Variants in AMDHD1 observed in about 807,000 individuals in gnomAD.
AMDHD1 encodes probable imidazolonepropionase.
A neutral mutation model predicts 44.1 loss-of-function variants in AMDHD1; 45 were observed. The ratio of observed to expected loss-of-function variants is 1.02; its 90% CI spans 0.80 to 1.31. AMDHD1 has a LOEUF of 1.31. Among genes scored for constraint, AMDHD1 ranks in the 50% most tolerant of loss-of-function variants. The probability of loss-of-function intolerance (pLI) is 0.00; values close to 1 mark genes in which losing one functional copy is unlikely to be tolerated. For synonymous variants in AMDHD1, 206 were observed against 205.0 expected, an observed-to-expected ratio of 1.00 and a Z score of -0.04; for missense variants, 586 against 552.1, an observed-to-expected ratio of 1.06 and a Z score of -0.61.
Position 95,947,340 on chromosome 12 carries a change from G to C in AMDHD1, c.137+3805G>C. 1.3e-4 allele frequency: 2 copies of C among 15,938 alleles called. 1 individual carries two copies. 1.0% of individuals were successfully genotyped at this position (15,938 alleles called of 1,614,324 possible). A position where few individuals can be genotyped will look rare whatever the true frequency, so the allele number is the denominator to read the frequency against. On this transcript the variant is annotated intron_variant, in intron 1 of 8. Coordinates refer to ENST00000266736, the MANE Select transcript of AMDHD1 (RefSeq NM_152435.3). ...TGGGAGGTGAGGAGCGTCTCTGCCC[G>C]GCCGCCCCGTCTGAGAAGTGAGGAG...
chr12:95,960,274 AC>A, intron 4 of AMDHD1, 123 bp from the exon 5 acceptor site: 1 of 777,466 alleles, frequency 1.3e-6, no homozygotes, highest in Non-Finnish European at 2.1e-6. Context: ...GTCTTTCTCT[AC>A]CTTTCTGAGG....
Position 95,956,848 on chromosome 12 carries a change from G to T in AMDHD1, c.473G>T (p.Gly158Val), listed in dbSNP as rs1340465065. Residue 158 changes from glycine to valine, a missense_variant, in exon 4 of 9, where the codon GGA becomes GTA. Coordinates refer to ENST00000266736, the MANE Select transcript of AMDHD1 (RefSeq NM_152435.3). ...ACCACGCTGGTGGAGTGCAAGAGTG[G>T]ATATGGCCTCGACCTGGAGACCGAG... ...AGTTLVECKS[G>V]YGLDLETELK... The T allele has an allele frequency of 1.2e-6, 2 of 1,614,134 alleles. No individual in the cohort carries two copies. Among genetic ancestry groups the T allele is most frequent in the Non-Finnish European group, 1.7e-6 (2 of 1,179,974 alleles).
intron 3 of AMDHD1, among the ~76,000 whole-genome samples, chr12:95,956,268 C>T (rs1043567945): frequency 1.3e-5 from 2 of 152,104 alleles, no homozygotes; most frequent in African/African-American, 4.8e-5. Flanking sequence ...GCCACCATGC[C>T]CCCGCTAATT....
At chr12:95,959,874 C>T (rs2080572170) in intron 4 of AMDHD1, among the ~76,000 whole-genome samples, 1 of 142,062 alleles carries the variant, frequency 7.0e-6, no homozygotes, top group Non-Finnish European at 1.5e-5. Flanking sequence ...CGGCTCACTG[C>T]AACCTCCGCC....
intron 3 of AMDHD1, among the ~76,000 whole-genome samples, chr12:95,956,104 TTTTG>T (rs966981591): frequency 6.6e-6 from 1 of 151,788 alleles, no homozygotes. Context: ...TTTTGTTTTG[TTTTG>T]TTTGTTTGTT....
chr12:95,964,500 C>T (rs2080598761), intron 6 of AMDHD1, among the ~76,000 whole-genome samples: 1 of 152,008 alleles, frequency 6.6e-6, no homozygotes, highest in Non-Finnish European at 1.5e-5. Context: ...CCTCTTTTAC[C>T]CCTAAGTATT....
At chr12:95,954,875 T>G in intron 2 of AMDHD1, 36 bp from the exon 3 acceptor site, 6 of 1,607,438 alleles carry the variant, frequency 3.7e-6, no homozygotes, top group Non-Finnish European at 5.1e-6. Context: ...GCTCTCTATT[T>G]CTTAATTGTA....
In AMDHD1 at chr12:95,968,021, A is replaced by G. The variant is rs1173854034; in HGVS notation, c.*178A>G. On this transcript the variant is annotated 3_prime_UTR_variant, in exon 9 of 9. Coordinates refer to ENST00000266736, the MANE Select transcript of AMDHD1 (RefSeq NM_152435.3). ...AGATTTATTTTCATTTAACACATGC[A>G]TTTGACATATAAACAGGTAAACCTA... The G allele has an allele frequency of 1.0e-5, 5 of 480,438 alleles. No homozygotes were observed. The Admixed American group carries it at 1.2e-4, about 12-fold the overall frequency. 29.8% of individuals were successfully genotyped at this position (480,438 alleles called of 1,614,324 possible).
At chr12:95,948,089 G>A (rs2080507696) in intron 1 of AMDHD1, among the ~76,000 whole-genome samples, 4 of 67,746 alleles carry the variant, frequency 5.9e-5, no homozygotes, top group African/African-American at 2.0e-4. Context: ...GTTGAGGGGC[G>A]CCTCTGCCCG....
intron 8 of AMDHD1, among the ~76,000 whole-genome samples, chr12:95,966,939 T>C (rs751985228): frequency 6.6e-6 from 1 of 152,238 alleles, no homozygotes; most frequent in East Asian, 1.9e-4. Flanking sequence ...TCCTGGTGAC[T>C]TATCACTCAC....
intron 5 of AMDHD1, among the ~76,000 whole-genome samples, 197 bp from the exon 6 acceptor site, chr12:95,962,158 C>G (rs1474128889): frequency 6.6e-6 from 1 of 152,120 alleles, no homozygotes; most frequent in South Asian, 2.1e-4. Context: ...CCTAGCTGCT[C>G]GGGAGGCTGA....
In AMDHD1 at chr12:95,956,859, G is replaced by A. The variant is rs200706449; in HGVS notation, c.484G>A (p.Asp162Asn). 4 of 1,614,184 alleles carry A rather than the reference G, an allele frequency of 2.5e-6. No homozygotes were observed. In the South Asian group the frequency reaches 3.3e-5, roughly 13 times the overall value. ...LVECKSGYGL[D>N]LETELKMLRV... ...GGAGTGCAAGAGTGGATATGGCCTC[G>A]ACCTGGAGACCGAGCTCAAGATGCT... Residue 162 changes from aspartate to asparagine, a missense_variant, in exon 4 of 9, where the codon GAC (aspartate) becomes AAC (asparagine). Physicochemically the swap from Asp to Asn is conservative, Grantham distance 23. Transcript: ENST00000266736.
At chr12:95,949,337 G>T (rs35756705) in intron 1 of AMDHD1, among the ~76,000 whole-genome samples, 1 of 151,904 alleles carries the variant, frequency 6.6e-6, no homozygotes, top group African/African-American at 2.4e-5. Flanking sequence ...ACTCAAAGAA[G>T]CATCATCCTC....
In AMDHD1 at chr12:95,956,682, CA is replaced by C; in HGVS notation, c.310-2del. ...CTGGCCTAAAGGTGAGGCGTGTGTT[CA>C]GTTGGCAGGAGCCACCTACATGGAA... is the stretch of plus-strand genomic sequence containing the variant. On this transcript the variant is annotated splice_acceptor_variant, in intron 3 of 8. Coordinates refer to ENST00000266736, the MANE Select transcript of AMDHD1 (RefSeq NM_152435.3). LOFTEE classifies it high-confidence loss of function. 6.2e-7 allele frequency: 1 copy of C among 1,613,570 alleles called. No homozygotes were observed. Among genetic ancestry groups the C allele is most frequent in the Non-Finnish European group, 8.5e-7 (1 of 1,179,540 alleles).
chr12:95,959,904 T>C (rs1313022381), intron 4 of AMDHD1, among the ~76,000 whole-genome samples: 2 of 149,460 alleles, frequency 1.3e-5, no homozygotes, highest in African/African-American at 4.9e-5. Flanking sequence ...CAAGCAATTC[T>C]CTTGCCTCAG....
intron 4 of AMDHD1, among the ~76,000 whole-genome samples, chr12:95,957,465 C>T (rs978819458): frequency 1.3e-5 from 2 of 152,064 alleles, no homozygotes; most frequent in African/African-American, 4.8e-5. Flanking sequence ...TCCTACATGG[C>T]CTTACTGTAG....
intron 1 of AMDHD1, among the ~76,000 whole-genome samples, chr12:95,952,278 C>T (rs956418289): frequency 6.6e-6 from 1 of 152,136 alleles, no homozygotes; most frequent in African/African-American, 2.4e-5. Flanking sequence ...TATGGATAGC[C>T]AGTTTCCCTA....
chr12:95,956,839 G>GC lies in AMDHD1; in HGVS notation c.465dup (p.Lys156GlnfsTer19). 6.2e-7 allele frequency: 1 copy of GC among 1,614,120 alleles called. No homozygotes were observed. The highest frequency in any genetic ancestry group is 8.5e-7 in the Non-Finnish European group (1 of 1,179,974). On this transcript the variant is annotated frameshift_variant, in exon 4 of 9. Coordinates refer to ENST00000266736, the MANE Select transcript of AMDHD1 (RefSeq NM_152435.3). LOFTEE classifies it high-confidence loss of function. The stretch of plus-strand genomic sequence containing the variant: ...AGGGCTGGCACCACGCTGGTGGAGT[G>GC]CAAGAGTGGATATGGCCTCGACCTG...
chr12:95,963,796 C>T (rs1229673497), intron 6 of AMDHD1, among the ~76,000 whole-genome samples: 7 of 152,012 alleles, frequency 4.6e-5, no homozygotes, highest in African/African-American at 9.7e-5. Flanking sequence ...TTTGGGAAGC[C>T]GAGGTGGGCA....
Sources: gnomAD v4.1 joint callset for allele counts (sites outside exome capture counted in the v4.1 genomes callset) on GRCh38, gnomAD v4.1.1 for gene constraint, MANE v1.5 for transcripts, NCBI Gene and HGNC (gene_info 2026-07-23, HGNC 2026-07-21) for gene names.